Variants in TNPO3 observed in about 807,000 individuals in gnomAD.
The protein encoded by TNPO3 is transportin 3.
TNPO3 carries 65 observed loss-of-function variants against 122.8 expected under a neutral mutation model. The observed-to-expected ratio is 0.53, with a 90% CI of 0.43 to 0.65. The LOEUF is 0.65. TNPO3 is among the 30% of genes least tolerant of loss of function. The probability of loss-of-function intolerance (pLI) is 0.00; values close to 1 mark genes in which losing one functional copy is unlikely to be tolerated. For missense variants in TNPO3, 850 were observed against 1,136.7 expected, an observed-to-expected ratio of 0.75 and a Z score of 3.63; for synonymous variants, 372 against 411.2, an observed-to-expected ratio of 0.90 and a Z score of 1.15.
In TNPO3 at chr7:129,011,341, T is replaced by C. The variant is rs573537581; in HGVS notation, c.552+3638A>G. On this transcript the variant is annotated intron_variant, in intron 4 of 22. Transcript: ENST00000265388. The stretch of plus-strand genomic sequence containing the variant: ...GGATATTCTTTGTAAAAAGTATCTT[T>C]TTTTGTTTTTTCTTTTTGTTGAGAT... Among the ~76,000 whole-genome samples, 64 of 152,260 alleles carry C rather than the reference T, an allele frequency of 4.2e-4. 1 individual carries two copies. Among genetic ancestry groups the C allele is most frequent in the Non-Finnish European group, 3.8e-4 (26 of 68,012 alleles).
intron 1 of TNPO3, among the ~76,000 whole-genome samples, chr7:129,021,154 A>G (rs1804456024): frequency 6.6e-6 from 1 of 152,044 alleles, no homozygotes. Flanking sequence ...TCAGGAGTTC[A>G]AGACCAGTCG....
At chr7:128,985,239 G>GA (rs1260563799) in intron 12 of TNPO3, among the ~76,000 whole-genome samples, 2 of 152,108 alleles carry the variant, frequency 1.3e-5, no homozygotes, top group African/African-American at 2.4e-5. Context: ...AACTAGGAGG[G>GA]AAAAGCCTAA....
Position 129,054,879 on chromosome 7 carries a change from C to T in TNPO3, c.-109G>A. The T allele has an allele frequency of 6.9e-7, 1 of 1,449,620 alleles. No homozygotes were observed. 89.8% of individuals were successfully genotyped at this position (1,449,620 alleles called of 1,614,324 possible). On this transcript the variant is annotated 5_prime_UTR_variant, in exon 1 of 23. Transcript: ENST00000265388. ...TGTCTGGGCCACGGCCGCTCCCTGACTGGCGCCATCTCCTCCTCTTTGGCC... is the reference window on the plus strand; with the variant it reads ...TGTCTGGGCCACGGCCGCTCCCTGATTGGCGCCATCTCCTCCTCTTTGGCC...
chr7:129,026,394 ATTTTTTTTTTTT>A, intron 1 of TNPO3, among the ~76,000 whole-genome samples: 1 of 94,698 alleles, frequency 1.1e-5, no homozygotes, highest in Non-Finnish European at 2.0e-5. Flanking sequence ...TGACGTTTGA[ATTTTTTTTTTTT>A]TTTTTTTTTT....
intron 10 of TNPO3, 135 bp from the exon 11 acceptor site, chr7:128,990,235 T>G: frequency 2.1e-6 from 2 of 958,984 alleles, no homozygotes; most frequent in Non-Finnish European, 3.4e-6. Context: ...GTACTTGGTA[T>G]TTGTTATGAA....
At chr7:128,958,137 C>CTTTT (rs55683535) in intron 21 of TNPO3, among the ~76,000 whole-genome samples, 1,002 of 96,178 alleles carry the variant, frequency 0.01, 68 homozygotes, top group Middle Eastern at 0.016. Flanking sequence ...GAAGCACTTC[C>CTTTT]TTTTTTTTTT....
chr7:128,963,367 C>T (rs1797648497), intron 21 of TNPO3, among the ~76,000 whole-genome samples: 1 of 152,196 alleles, frequency 6.6e-6, no homozygotes. Context: ...GTAACCAGCA[C>T]TGAATGGAAT....
chr7:128,981,361 G>A (rs772547999), intron 14 of TNPO3, among the ~76,000 whole-genome samples: 1 of 152,114 alleles, frequency 6.6e-6, no homozygotes, highest in Non-Finnish European at 1.5e-5. Context: ...TTTGAAAACT[G>A]TCACTCAAAT....
chr7:129,054,804 G>C lies in TNPO3; in HGVS notation c.-34C>G. ...CGGTAGTGGCGGTAGCGACGGCTCT[G>C]ATTCTTCTCCGGAGGATTCCTCGGT... On this transcript the variant is annotated 5_prime_UTR_variant, in exon 1 of 23. In the 5' UTR this introduces an upstream ATG that the reference lacks. Coordinates refer to ENST00000265388, the MANE Select transcript of TNPO3 (RefSeq NM_012470.4). 6.2e-7 allele frequency: 1 copy of C among 1,613,462 alleles called. No homozygotes were observed. The highest frequency in any genetic ancestry group is 8.5e-7 in the Non-Finnish European group (1 of 1,179,802).
chr7:129,033,490 G>T (rs1806189420), intron 1 of TNPO3, among the ~76,000 whole-genome samples: 1 of 152,172 alleles, frequency 6.6e-6, no homozygotes, highest in Non-Finnish European at 1.5e-5. Context: ...AGAACCCTTT[G>T]CATCACTGGT....
At chr7:128,995,669 A>C (rs936055831) in intron 8 of TNPO3, among the ~76,000 whole-genome samples, 4 of 151,378 alleles carry the variant, frequency 2.6e-5, no homozygotes, top group Admixed American at 6.6e-5. Context: ...CAGGCTTCCA[A>C]GTAAAATGTG....
At chr7:129,015,310 G>C (rs1176867065) in intron 3 of TNPO3, among the ~76,000 whole-genome samples, 175 bp from the exon 4 acceptor site, 4 of 151,896 alleles carry the variant, frequency 2.6e-5, no homozygotes, top group Admixed American at 1.3e-4. Context: ...ATTAAAAAAA[G>C]GACACAGTTA....
chr7:128,963,515 A>C (rs1797662587), intron 21 of TNPO3, among the ~76,000 whole-genome samples: 1 of 152,218 alleles, frequency 6.6e-6, no homozygotes, highest in Non-Finnish European at 1.5e-5. Flanking sequence ...CAGTCAATAT[A>C]TGCCTACCCA....
intron 12 of TNPO3, among the ~76,000 whole-genome samples, chr7:128,985,297 A>T (rs766576707): frequency 3.3e-5 from 5 of 152,232 alleles, no homozygotes; most frequent in Non-Finnish European, 7.3e-5. Context: ...AAAGTATGTT[A>T]CTTTAAAAAG....
intron 1 of TNPO3, among the ~76,000 whole-genome samples, chr7:129,035,151 G>A (rs1036269311): frequency 2.0e-5 from 3 of 151,962 alleles, no homozygotes; most frequent in African/African-American, 7.2e-5. Flanking sequence ...GCGGGTGCCT[G>A]TAGTCCCAGC....
intron 1 of TNPO3, among the ~76,000 whole-genome samples, chr7:129,036,091 C>G (rs1806633919): frequency 6.6e-6 from 1 of 151,716 alleles, no homozygotes; most frequent in Non-Finnish European, 1.5e-5. Flanking sequence ...GTAGCTGGGA[C>G]TCCAGGCGCC....
intron 1 of TNPO3, chr7:129,041,457 A>G: frequency 2.6e-6 from 2 of 765,750 alleles, no homozygotes; most frequent in Non-Finnish European, 3.2e-6. Context: ...TACATTGCTC[A>G]TTGTTCTTCC....
At chr7:129,017,786 A>G (rs1296539885) in intron 2 of TNPO3, among the ~76,000 whole-genome samples, 171 bp downstream of exon 2, 6 of 152,242 alleles carry the variant, frequency 3.9e-5, no homozygotes, top group African/African-American at 1.4e-4. Flanking sequence ...ATGAACTCCA[A>G]GATTAATACA....
chr7:128,981,847 G>C (rs1799656644), intron 14 of TNPO3, among the ~76,000 whole-genome samples: 1 of 151,536 alleles, frequency 6.6e-6, no homozygotes, highest in African/African-American at 2.4e-5. Context: ...TCCCACCTCA[G>C]CCTCCCAAAT....
Sources: allele counts gnomAD v4.1 joint callset (sites outside exome capture counted in the v4.1 genomes callset), GRCh38; gene constraint gnomAD v4.1.1; transcripts MANE v1.5; gene names NCBI Gene and HGNC (gene_info 2026-07-23, HGNC 2026-07-21).